The following HPSE2 variants were observed in gnomAD, a reference collection of about 807,000 sequenced individuals.
HPSE2 encodes heparanase 2 (inactive), also known as inactive heparanase-2.
A neutral mutation model predicts 60.5 loss-of-function variants in HPSE2; 38 were observed. The ratio of observed to expected loss-of-function variants is 0.63; its 90% confidence interval spans 0.48 to 0.82. The LOEUF (loss-of-function observed/expected upper bound fraction) is 0.82, where lower values mean the gene tolerates loss of function less well. Ranked by LOEUF, HPSE2 falls within the 40% of genes least tolerant of loss-of-function variation. The pLI is 0.00. For missense variants in HPSE2, 713 were observed against 740.4 expected (o/e 0.96, Z 0.43); for synonymous variants, 295 against 293.2 (o/e 1.01, Z -0.06).
At chr10:98,620,955 G>A (rs1946058293) in intron 7 of HPSE2, among the ~76,000 whole-genome samples, 1 of 152,138 alleles carries the variant, frequency 6.6e-6, no homozygotes, top group African/African-American at 2.4e-5. Flanking sequence ...AAGTGATAAT[G>A]TGACAGAACA....
At chr10:99,281,547 C>T in the HPSE2 span, among the ~76,000 whole-genome samples, 1 of 152,060 alleles carries the variant, frequency 6.6e-6, no homozygotes, top group African/African-American at 2.4e-5. Context: ...TAATAACTTA[C>T]TGCTCTCGTA....
intron 3 of HPSE2, among the ~76,000 whole-genome samples, chr10:99,105,395 T>A (rs1004147250): frequency 6.6e-6 from 1 of 152,092 alleles, no homozygotes; most frequent in Non-Finnish European, 1.5e-5. Context: ...TGGAAAAATG[T>A]CTAATCATGT....
intron 9 of HPSE2, among the ~76,000 whole-genome samples, chr10:98,506,958 A>G (rs1286565600): frequency 3.3e-5 from 5 of 152,222 alleles, no homozygotes; most frequent in Non-Finnish European, 7.3e-5. Flanking sequence ...CAGGTAAAGC[A>G]TGTGACATAG....
At chr10:98,599,266 T>C (rs1451605931) in intron 9 of HPSE2, among the ~76,000 whole-genome samples, 2 of 22,196 alleles carry the variant, frequency 9.0e-5, no homozygotes, top group Non-Finnish European at 6.7e-4. Context: ...CCACAGGAGC[T>C]GGCTGGTGCT....
At chr10:98,538,413 A>G (rs1221717733) in intron 9 of HPSE2, among the ~76,000 whole-genome samples, 8 of 152,072 alleles carry the variant, frequency 5.3e-5, no homozygotes, top group African/African-American at 1.7e-4. Flanking sequence ...ACCTAATATT[A>G]CCAGTAGATT....
Position 98,857,457 on chromosome 10 carries a change from T to C in HPSE2, c.611-113401A>G, listed in dbSNP as rs374550798. Among the ~76,000 whole-genome samples the C allele has an allele frequency of 4.0e-4, 61 of 152,316 alleles. 1 individual carries two copies. The South Asian group carries it at 0.012, about 31-fold the overall frequency. On this transcript the variant is annotated intron_variant, in intron 3 of 11. Transcript: ENST00000370552. The stretch of plus-strand genomic sequence containing the variant: ...GATCTTCTAGAGCTGGAAATATCTC[T>C]TTATTGGTTGAGAACATTAAACACC...
At chr10:98,483,604 C>A (rs1285450859) in intron 10 of HPSE2, among the ~76,000 whole-genome samples, 1 of 152,082 alleles carries the variant, frequency 6.6e-6, no homozygotes, top group Non-Finnish European at 1.5e-5. Context: ...TTCTTCCTGC[C>A]CTACTAAGTG....
chr10:99,003,794 T>A (rs1956830271), intron 3 of HPSE2, among the ~76,000 whole-genome samples: 1 of 152,138 alleles, frequency 6.6e-6, no homozygotes, highest in Non-Finnish European at 1.5e-5. Flanking sequence ...TTCTGTTGAT[T>A]TTTTTTAGCT....
chr10:99,021,481 T>C (rs565966456), intron 3 of HPSE2, among the ~76,000 whole-genome samples: 11 of 152,318 alleles, frequency 7.2e-5, no homozygotes, highest in Non-Finnish European at 1.3e-4. Flanking sequence ...ACCATATTTA[T>C]TGCCTGCTTG....
intron 3 of HPSE2, among the ~76,000 whole-genome samples, chr10:98,983,249 G>C (rs1297831986): frequency 1.3e-5 from 2 of 152,126 alleles, no homozygotes; most frequent in Non-Finnish European, 2.9e-5. Context: ...CCATAATGTA[G>C]AATCAGTGGG....
At chr10:98,700,123 A>G (rs1406825309) in intron 5 of HPSE2, among the ~76,000 whole-genome samples, 2 of 151,610 alleles carry the variant, frequency 1.3e-5, no homozygotes, top group Non-Finnish European at 1.5e-5. Flanking sequence ...GACTTTCTTC[A>G]CAGAATTGGA....
At chr10:98,617,108 A>G (rs1945932942) in intron 8 of HPSE2, among the ~76,000 whole-genome samples, 1 of 152,224 alleles carries the variant, frequency 6.6e-6, no homozygotes, top group African/African-American at 2.4e-5. Context: ...GAAGAAACAA[A>G]ACAATGAAGA....
chr10:98,692,861 C>T (rs765822845), intron 6 of HPSE2, among the ~76,000 whole-genome samples: 1 of 152,198 alleles, frequency 6.6e-6, no homozygotes, highest in Non-Finnish European at 1.5e-5. Flanking sequence ...TAAATGTAGA[C>T]TGAAATATTT....
At chr10:98,629,373 T>C (rs1231814747) in intron 7 of HPSE2, among the ~76,000 whole-genome samples, 4 of 152,194 alleles carry the variant, frequency 2.6e-5, no homozygotes, top group African/African-American at 9.7e-5. Flanking sequence ...GGAAGCTTCT[T>C]AAACCTTACC....
At chr10:99,184,819 T>TATAC (rs1554912295) in intron 2 of HPSE2, among the ~76,000 whole-genome samples, 15 of 19,868 alleles carry the variant, frequency 7.5e-4, no homozygotes, top group African/African-American at 2.3e-3. Context: ...TATATATATA[T>TATAC]AGAGAGAGAG....
At position 98,836,449 on chromosome 10, in the gene HPSE2, T is replaced by C. The variant is rs568704568; in HGVS notation, c.611-92393A>G. Among the ~76,000 whole-genome samples, 5 of 152,308 alleles carry C rather than the reference T, an allele frequency of 3.3e-5. No homozygotes were observed. In the East Asian group the frequency reaches 9.6e-4, roughly 29 times the overall value. On this transcript the variant is annotated intron_variant, in intron 3 of 11. Transcript: ENST00000370552. ...TTATCCATTTACATATCTGCCTCCT[T>C]GAAGGAGATTGACAAAAAGTAGGTT... is the stretch of plus-strand genomic sequence containing the variant.
intron 9 of HPSE2, among the ~76,000 whole-genome samples, chr10:98,544,881 G>C (rs1374501239): frequency 3.3e-5 from 5 of 152,004 alleles, no homozygotes; most frequent in Admixed American, 1.3e-4. Context: ...TTTTTGAAAA[G>C]ATCAACGAAA....
At chr10:99,124,007 G>A (rs903916717) in intron 3 of HPSE2, among the ~76,000 whole-genome samples, 3 of 152,022 alleles carry the variant, frequency 2.0e-5, no homozygotes, top group African/African-American at 7.2e-5. Context: ...CTATCCGTAG[G>A]CAGGTTGTCC....
At chr10:99,069,051 C>T (rs1009740963) in intron 3 of HPSE2, among the ~76,000 whole-genome samples, 1 of 152,190 alleles carries the variant, frequency 6.6e-6, no homozygotes, top group African/African-American at 2.4e-5. Flanking sequence ...AGAAATAATG[C>T]CAATCCTTCA....
Sources: gnomAD v4.1 joint callset for allele counts (sites outside exome capture counted in the v4.1 genomes callset) on GRCh38, gnomAD v4.1.1 for gene constraint, MANE v1.5 for transcripts, NCBI Gene and HGNC (gene_info 2026-07-23, HGNC 2026-07-21) for gene names.